OPCML: variants seen among roughly 807,000 people sequenced by gnomAD.
OPCML encodes the protein opioid-binding protein/cell adhesion molecule.
OPCML carries 13 observed loss-of-function variants against 37.8 expected under a neutral mutation model. That is an observed-to-expected ratio of 0.34 (90% CI 0.22 to 0.55). The LOEUF is 0.55. OPCML is among the 20% of genes least tolerant of loss of function. The probability of loss-of-function intolerance (pLI) is 0.91; values close to 1 mark genes in which losing one functional copy is unlikely to be tolerated. For synonymous variants in OPCML, 176 were observed against 168.8 expected, an observed-to-expected ratio of 1.04 and a Z score of -0.33; for missense variants, 341 against 435.6, an observed-to-expected ratio of 0.78 and a Z score of 1.93.
At chr11:133,166,741 C>A (rs1644716900) in intron 1 of OPCML, among the ~76,000 whole-genome samples, 1 of 152,182 alleles carries the variant, frequency 6.6e-6, no homozygotes, top group Non-Finnish European at 1.5e-5. Flanking sequence ...AAGAGGCAAG[C>A]CAATTTGGTT....
intron 3 of OPCML, among the ~76,000 whole-genome samples, chr11:132,647,020 T>C (rs368508412): frequency 2.6e-5 from 4 of 152,208 alleles, no homozygotes; most frequent in African/African-American, 9.7e-5. Context: ...TAGACTACAA[T>C]GCCTTAAGCA....
intron 2 of OPCML, among the ~76,000 whole-genome samples, chr11:132,890,968 A>G (rs79057048): frequency 6.6e-6 from 1 of 152,052 alleles, no homozygotes; most frequent in Non-Finnish European, 1.5e-5. Context: ...CACTCTTTAC[A>G]TCTCCCCTCT....
intron 2 of OPCML, among the ~76,000 whole-genome samples, chr11:132,770,523 A>G (rs1946601347): frequency 6.6e-6 from 1 of 152,174 alleles, no homozygotes. Flanking sequence ...CCTTGGAAGC[A>G]CACAGAAATA....
intron 1 of OPCML, among the ~76,000 whole-genome samples, chr11:133,498,531 C>T (rs969242727): frequency 6.6e-5 from 10 of 152,194 alleles, no homozygotes; most frequent in Non-Finnish European, 8.8e-5. Flanking sequence ...CCATCTGGGC[C>T]TCCCAGGGCC....
rs1389927636 is a variant in OPCML at position 133,499,876 on chromosome 11, T to TATA, written c.61+32387_61+32388insTAT. On this transcript the variant is annotated intron_variant, in intron 1 of 7. Coordinates refer to ENST00000524381, the MANE Select transcript of OPCML (RefSeq NM_001012393.5). ...TACATACACATATATATATATATAT[T>TATA]TTTTTTTTTTTTTGAAAGGGAGTCT... Among the ~76,000 whole-genome samples, 631 of 65,284 alleles carry TATA rather than the reference T, an allele frequency of 9.7e-3. 3 individuals are homozygous for TATA. Among genetic ancestry groups the TATA allele is most frequent in the African/African-American group, 0.041 (607 of 14,630 alleles). The allele number at this position is 65,284 out of a possible 152,430, so 42.8% of individuals were successfully genotyped here. A position where few individuals can be genotyped will look rare whatever the true frequency, so the allele number is the denominator to read the frequency against.
intron 1 of OPCML, among the ~76,000 whole-genome samples, chr11:133,014,758 T>C (rs1012413678): frequency 5.0e-4 from 76 of 152,384 alleles, no homozygotes; most frequent in African/African-American, 1.7e-3. Flanking sequence ...TAATCTGAAC[T>C]GAACACAAAT....
intron 1 of OPCML, among the ~76,000 whole-genome samples, chr11:133,511,103 G>A (rs959024625): frequency 3.3e-5 from 5 of 152,060 alleles, no homozygotes; most frequent in East Asian, 1.9e-4. Flanking sequence ...GGAGTCCTCC[G>A]TGAATCCACT....
chr11:132,900,092 C>T (rs774694699), intron 2 of OPCML, among the ~76,000 whole-genome samples: 1 of 152,122 alleles, frequency 6.6e-6, no homozygotes, highest in Non-Finnish European at 1.5e-5. Context: ...CTCTAGAGAA[C>T]CCTGAGTAAT....
At chr11:133,001,004 C>T (rs923040883) in intron 1 of OPCML, among the ~76,000 whole-genome samples, 4 of 152,144 alleles carry the variant, frequency 2.6e-5, no homozygotes, top group East Asian at 1.9e-4. Context: ...CTTTGCCTTC[C>T]GCCATGAGTA....
intron 2 of OPCML, among the ~76,000 whole-genome samples, chr11:132,760,000 T>C (rs1946203168): frequency 6.6e-6 from 1 of 152,226 alleles, no homozygotes; most frequent in African/African-American, 2.4e-5. Context: ...ATCTTGTGTC[T>C]TTGTTCTCAT....
chr11:133,423,176 A>T (rs1266315269), intron 1 of OPCML: 2 of 985,410 alleles, frequency 2.0e-6, no homozygotes, highest in Non-Finnish European at 2.4e-6. Flanking sequence ...ATCTTGAAGA[A>T]TTTTAACTTT....
chr11:132,570,804 T>TGAGAGAGAGAGAGAGAGAGAGAGAGAG (rs1271040683), intron 3 of OPCML, among the ~76,000 whole-genome samples: 27 of 90,752 alleles, frequency 3.0e-4, no homozygotes, highest in African/African-American at 1.1e-3. Flanking sequence ...TATATATATT[T>TGAGAGAGAGAGAGAGAGAGAGAGAGAG]AGAGAGAGAG....
At chr11:132,839,157 A>T (rs1457435747) in intron 2 of OPCML, among the ~76,000 whole-genome samples, 1 of 152,184 alleles carries the variant, frequency 6.6e-6, no homozygotes, top group Admixed American at 6.5e-5. Context: ...CATTTTCATC[A>T]CCTTCATAGC....
intron 3 of OPCML, among the ~76,000 whole-genome samples, chr11:132,577,227 G>A (rs1315154641): frequency 6.6e-6 from 1 of 152,076 alleles, no homozygotes; most frequent in African/African-American, 2.4e-5. Flanking sequence ...GGAAAAGGAT[G>A]GTCCAGGGCT....
In OPCML at chr11:132,959,325, T is replaced by C. The variant is rs1946037262; in HGVS notation, c.62-16315A>G. On this transcript the variant is annotated intron_variant, in intron 1 of 7. Coordinates refer to ENST00000524381, the MANE Select transcript of OPCML (RefSeq NM_001012393.5). ...TGGATGAGGAGCTGCTTCTCTTGGA[T>C]GAGCAAAGGAAGTGGTTTCTTGAGA... Among the ~76,000 whole-genome samples the C allele has an allele frequency of 1.3e-5, 2 of 152,206 alleles. 1 individual carries two copies. The highest frequency in any genetic ancestry group is 2.9e-5 in the Non-Finnish European group (2 of 68,030).
In OPCML at chr11:133,377,612, GA is replaced by G. The variant is rs71477791; in HGVS notation, c.61+154651del. Among the ~76,000 whole-genome samples the G allele has an allele frequency of 7.0e-4, 55 of 79,072 alleles. 1 individual carries two copies. The East Asian group carries it at 8.6e-3, about 12-fold the overall frequency. The allele number at this position is 79,072 out of a possible 152,430, so 51.9% of individuals were successfully genotyped here. Reference sequence around the variant, plus strand: ...GCTCTCTCTGACGTGCCAGTATTCAGAAAAAAAAAAAAAAAGAGCACCAAGT... The same window carrying G: ...GCTCTCTCTGACGTGCCAGTATTCAGAAAAAAAAAAAAAAGAGCACCAAGT... On this transcript the variant is annotated intron_variant, in intron 1 of 7. Coordinates refer to ENST00000524381, the MANE Select transcript of OPCML (RefSeq NM_001012393.5).
intron 3 of OPCML, among the ~76,000 whole-genome samples, chr11:132,655,572 T>C (rs1941664853): frequency 6.6e-6 from 1 of 152,144 alleles, no homozygotes; most frequent in Admixed American, 6.5e-5. Context: ...TCGGATGGCG[T>C]GTGTGAACGC....
chr11:132,702,748 C>T (rs1174420504), intron 2 of OPCML, among the ~76,000 whole-genome samples: 3 of 151,204 alleles, frequency 2.0e-5, no homozygotes, highest in African/African-American at 7.3e-5. Context: ...CTTTTTCACT[C>T]TTTTTTTTTC....
chr11:133,269,280 C>G (rs960795717), intron 1 of OPCML, among the ~76,000 whole-genome samples: 2 of 152,112 alleles, frequency 1.3e-5, no homozygotes, highest in South Asian at 2.1e-4. Flanking sequence ...GGAAATTCCC[C>G]GAGAGTGAAA....
Sources: gnomAD v4.1 joint callset for allele counts (sites outside exome capture counted in the v4.1 genomes callset) on GRCh38, gnomAD v4.1.1 for gene constraint, MANE v1.5 for transcripts, NCBI Gene and HGNC (gene_info 2026-07-23, HGNC 2026-07-21) for gene names.